Variants in ADGRL1 observed in about 807,000 individuals in gnomAD.
ADGRL1 encodes the protein CIRL-1.
Under a neutral mutation model 148.9 loss-of-function variants are expected in ADGRL1, and 31 were observed. That is an observed-to-expected ratio of 0.21 (90% CI 0.16 to 0.28). The LOEUF (loss-of-function observed/expected upper bound fraction) is 0.28. Among genes scored for constraint, ADGRL1 ranks in the 10% least tolerant of loss-of-function variants. ADGRL1 has a pLI of 1.00. For missense variants in ADGRL1, 1,521 were observed against 2,058.8 expected (o/e 0.74, Z 5.05); for synonymous variants, 937 against 900.3 (o/e 1.04, Z -0.73).
At chr19:14,167,299 G>C (rs1400218521) in intron 4 of ADGRL1, among the ~76,000 whole-genome samples, 2 of 151,974 alleles carry the variant, frequency 1.3e-5, no homozygotes, top group Non-Finnish European at 2.9e-5. Context: ...ACACACAGGA[G>C]GGAGAAGACA....
At chr19:14,204,713 T>TGAGAGAGAGAGAGAGAGAGAGAGAGAGA (rs74181774) in intron 1 of ADGRL1, among the ~76,000 whole-genome samples, 2 of 142,890 alleles carry the variant, frequency 1.4e-5, no homozygotes, top group African/African-American at 5.2e-5. Flanking sequence ...ACAGAGAGAG[T>TGAGAGAGAGAGAGAGAGAGAGAGAGAGA]GAGAGAGAGA....
chr19:14,182,962 C>T (rs1971302508), intron 2 of ADGRL1, among the ~76,000 whole-genome samples: 1 of 152,026 alleles, frequency 6.6e-6, no homozygotes, highest in Admixed American at 6.5e-5. Context: ...GGCCTCTTCT[C>T]TTGGCCTCTC....
At position 14,161,157 on chromosome 19, in the gene ADGRL1, C is replaced by T. The variant is rs1396027681; in HGVS notation, c.1510+155G>A. 3.9e-5 allele frequency among the ~76,000 whole-genome samples: 6 copies of T among 152,216 alleles called. No homozygotes were observed. In the East Asian group the frequency reaches 5.8e-4, roughly 15 times the overall value. On this transcript the variant is annotated intron_variant, in intron 6 of 22. Coordinates refer to ENST00000361434, the MANE Select transcript of ADGRL1 (RefSeq NM_014921.5). This position sits in a 1 kb window ranked among gnomAD's most constrained non-coding sequence, Gnocchi z 4.4. ...GTGGGGCCAGGGGCACTGAGTGGCTCCTGTGCCCTGAGAGCTCTGCTGGTC... is the reference window on the plus strand; with the variant it reads ...GTGGGGCCAGGGGCACTGAGTGGCTTCTGTGCCCTGAGAGCTCTGCTGGTC...
At position 14,152,400 on chromosome 19, in the gene ADGRL1, C is replaced by T. The variant is rs1161487209; in HGVS notation, c.3558G>A (p.Leu1186=). ...MGNHLLTNPV[L]QPRGGTSPYN... is the part of the protein sequence containing the mutation. ...AGGGACTGGTGCCCCCACGGGGCTG[C>T]AGCACGGGGTTGGTCAGCAGGTGGT... The change falls in exon 21 of 23, where the codon CTG becomes CTA. Residue 1186 remains leucine (L), a synonymous_variant. Coordinates refer to ENST00000361434, the MANE Select transcript of ADGRL1 (RefSeq NM_014921.5). The surrounding 1 kb of genome is among the most constrained non-coding windows in gnomAD (Gnocchi z 6.1). The T allele has an allele frequency of 6.2e-7, 1 of 1,601,404 alleles. No individual in the cohort carries two copies. The highest frequency in any genetic ancestry group is 8.5e-7 in the Non-Finnish European group (1 of 1,171,870).
At chr19:14,180,557 G>A (rs1237281844) in intron 2 of ADGRL1, among the ~76,000 whole-genome samples, 1 of 150,988 alleles carries the variant, frequency 6.6e-6, no homozygotes. Flanking sequence ...CGCCTGGCCT[G>A]TTTGTTTTTT....
At chr19:14,193,864 C>T (rs531796682) in intron 1 of ADGRL1, among the ~76,000 whole-genome samples, 33 of 152,324 alleles carry the variant, frequency 2.2e-4, no homozygotes, top group African/African-American at 6.0e-4. Flanking sequence ...AGGCCTGCAA[C>T]GGATTCTGCC....
chr19:14,153,713 G>A (rs1175567388), intron 18 of ADGRL1, among the ~76,000 whole-genome samples: 1 of 151,052 alleles, frequency 6.6e-6, no homozygotes, highest in African/African-American at 2.4e-5. Flanking sequence ...CACTTTGGAA[G>A]GCAGAGGTGG....
Position 14,162,890 on chromosome 19 carries a change from C to T in ADGRL1, c.911G>A (p.Gly304Asp), listed in dbSNP as rs774687715. 1 of 1,613,926 alleles carries T rather than the reference C, an allele frequency of 6.2e-7. No homozygotes were observed. The highest frequency in any genetic ancestry group is 8.5e-7 in the Non-Finnish European group (1 of 1,179,930). The change falls in exon 5 of 23, where the codon GGT (glycine) becomes GAT (aspartate). Residue 304 changes from glycine (G) to aspartate (D), a missense_variant. By Grantham distance (94) the Gly-to-Asp change is moderately conservative. Coordinates refer to ENST00000361434, the MANE Select transcript of ADGRL1 (RefSeq NM_014921.5). This position sits in a 1 kb window ranked among gnomAD's most constrained non-coding sequence, Gnocchi z 5.4. ...GTTGGATGCCGAGCGCTTGTCGTAA[C>T]CCGTCTCCCACGTGCCCTCAAAGCG... ...TLRFEGTWET[G>D]YDKRSASNAF... is the part of the protein sequence containing the mutation.
Position 14,161,942 on chromosome 19 carries a change from C to T in ADGRL1, c.1196-316G>A, listed in dbSNP as rs997344842. ...GACAGGAATCCTCCCAGGTTGAGCC[C>T]GAGGGCAGGAGCCCTCCCCAATCCA... On this transcript the variant is annotated intron_variant, in intron 5 of 22. Coordinates refer to ENST00000361434, the MANE Select transcript of ADGRL1 (RefSeq NM_014921.5). This position sits in a 1 kb window ranked among gnomAD's most constrained non-coding sequence, Gnocchi z 4.4. 6.6e-5 allele frequency among the ~76,000 whole-genome samples: 10 copies of T among 152,078 alleles called. No homozygotes were observed. The highest frequency in any genetic ancestry group is 1.2e-4 in the Non-Finnish European group (8 of 67,998).
Position 14,170,942 on chromosome 19 carries a change from G to A in ADGRL1, c.285-151C>T. 4 of 585,666 alleles carry A rather than the reference G, an allele frequency of 6.8e-6. No homozygotes were observed. In the South Asian group the frequency reaches 7.8e-5, roughly 11 times the overall value. The allele number at this position is 585,666 out of a possible 1,614,324, so 36.3% of individuals were successfully genotyped here. On this transcript the variant is annotated intron_variant, in intron 3 of 22. Transcript: ENST00000361434. ...ACCAAGTGATATAGTTTGGATCTGTGTCCATACCCAAATCTCATGTTGAAT... is the reference window on the plus strand; with the variant it reads ...ACCAAGTGATATAGTTTGGATCTGTATCCATACCCAAATCTCATGTTGAAT...
chr19:14,159,852 G>T lies in ADGRL1; in HGVS notation c.1801-79C>A. 7.7e-7 allele frequency: 1 copy of T among 1,294,122 alleles called. No homozygotes were observed. Among genetic ancestry groups the T allele is most frequent in the Non-Finnish European group, 1.1e-6 (1 of 890,316 alleles). The allele number at this position is 1,294,122 out of a possible 1,614,324, so 80.2% of individuals were successfully genotyped here. ...ACCCTAATACTGTCACATCTGGATA[G>T]CTCTCTCGTCTGCGGTTACCACTGA... is the stretch of plus-strand genomic sequence containing the variant. On this transcript the variant is annotated intron_variant, in intron 8 of 22. Coordinates refer to ENST00000361434, the MANE Select transcript of ADGRL1 (RefSeq NM_014921.5). This position sits in a 1 kb window ranked among gnomAD's most constrained non-coding sequence, Gnocchi z 6.0.
At chr19:14,172,077 TGG>T (rs1970510234) in intron 3 of ADGRL1, among the ~76,000 whole-genome samples, 1 of 152,024 alleles carries the variant, frequency 6.6e-6, no homozygotes, top group African/African-American at 2.4e-5. Flanking sequence ...GGGGGCAGGA[TGG>T]GGTGTGGGAA....
chr19:14,151,014 C>T lies in ADGRL1; in HGVS notation c.4269G>A (p.Pro1423=), dbSNP rs759793025. 56 of 1,207,022 alleles carry T rather than the reference C, an allele frequency of 4.6e-5. No homozygotes were observed. Among genetic ancestry groups the T allele is most frequent in the South Asian group, 1.7e-4 (12 of 71,698 alleles). 74.8% of individuals were successfully genotyped at this position (1,207,022 alleles called of 1,614,324 possible). The change falls in exon 23 of 23, where the codon CCG becomes CCA. Residue 1423 remains proline (P), a synonymous_variant. Transcript: ENST00000361434. ...GGGGATTCCGGGCCACCAGGGCTGG[C>T]GGGCGCGAGGTGTAGTAGATTTCGG... The part of the protein sequence containing the change: ...GPPEIYYTSR[P]PALVARNPLQ...
chr19:14,191,918 G>A (rs1046103377), intron 1 of ADGRL1, among the ~76,000 whole-genome samples: 1 of 151,930 alleles, frequency 6.6e-6, no homozygotes, highest in African/African-American at 2.4e-5. Flanking sequence ...GGCTGGTCTT[G>A]AGCTCCTGGC....
At chr19:14,158,600 C>T (rs1261764656) in intron 11 of ADGRL1, 48 bp from the exon 12 acceptor site, 1 of 1,485,834 alleles carries the variant, frequency 6.7e-7, no homozygotes, top group East Asian at 2.3e-5. Context: ...TCAGCTGGCG[C>T]ACCTCCATCC....
At chr19:14,184,458 G>T (rs994568824) in intron 1 of ADGRL1, among the ~76,000 whole-genome samples, 17 of 151,004 alleles carry the variant, frequency 1.1e-4, no homozygotes, top group Non-Finnish European at 2.2e-4. Context: ...TTAGAAACCA[G>T]GTCTCACTCT....
In ADGRL1 at chr19:14,159,434, G is replaced by T; in HGVS notation, c.1990C>A (p.Pro664Thr). The change falls in exon 10 of 23, where the codon CCT (proline) becomes ACT (threonine). Residue 664 changes from proline to threonine, a missense_variant. This residue lies in a region of ADGRL1 where 265 missense variants were observed against 431.9 expected (regional missense o/e 0.61). Coordinates refer to ENST00000361434, the MANE Select transcript of ADGRL1 (RefSeq NM_014921.5). The surrounding 1 kb of genome is among the most constrained non-coding windows in gnomAD (Gnocchi z 6.0). ...AFLLADNVRE[P>T]ARFLAAKENV... is the part of the protein sequence containing the mutation. ...TCCTTGGCAGCCAGGAAGCGGGCAG[G>T]CTCCCTGACATTGTCGGCCAGCAGG... 6.2e-7 allele frequency: 1 copy of T among 1,612,370 alleles called. No individual in the cohort carries two copies. Among genetic ancestry groups the T allele is most frequent in the Non-Finnish European group, 8.5e-7 (1 of 1,179,150 alleles).
Position 14,162,644 on chromosome 19 carries a change from C to T in ADGRL1, c.1157G>A (p.Arg386His), listed in dbSNP as rs377243301. Residue 386 changes from arginine (R) to histidine (H), a missense_variant, in exon 5 of 23, where the codon CGC (arginine) becomes CAC (histidine). Arg to His is a conservative substitution (Grantham distance 29). Coordinates refer to ENST00000361434, the MANE Select transcript of ADGRL1 (RefSeq NM_014921.5). The surrounding 1 kb of genome is among the most constrained non-coding windows in gnomAD (Gnocchi z 5.4). ...LYVWNNYFVVRYSLEFGPPDP... is the reference protein window; with the variant it reads ...LYVWNNYFVVHYSLEFGPPDP... ...GGGCGGCCCGAACTCCAGGCTGTAG[C>T]GCACCACGAAATAGTTGTTCCAGAC... The T allele has an allele frequency of 6.2e-6, 10 of 1,612,754 alleles. No homozygotes were observed. The highest frequency in any genetic ancestry group is 1.3e-5 in the African/African-American group (1 of 74,860).
chr19:14,161,633 A>C lies in ADGRL1; in HGVS notation c.1196-7T>G. On this transcript the variant is annotated splice_polypyrimidine_tract_variant and splice_region_variant and intron_variant, in intron 5 of 22. Transcript: ENST00000361434. The surrounding 1 kb of genome is among the most constrained non-coding windows in gnomAD (Gnocchi z 4.4). ...GGTGGGGAAGTGGCTGGGCCTGGAG[A>C]GGGGATACGAGACAGGGTCATCCCC... 7.2e-7 allele frequency: 1 copy of C among 1,391,100 alleles called. No individual in the cohort carries two copies. The highest frequency in any genetic ancestry group is 9.3e-7 in the Non-Finnish European group (1 of 1,076,786). 86.2% of individuals were successfully genotyped at this position (1,391,100 alleles called of 1,614,324 possible). A position where few individuals can be genotyped will look rare whatever the true frequency, so the allele number is the denominator to read the frequency against.
Sources: gnomAD v4.1 joint callset for allele counts (sites outside exome capture counted in the v4.1 genomes callset) on GRCh38, gnomAD v4.1.1 for gene constraint, gnomAD v4.1.1 regional missense constraint, Gnocchi (gnomAD v3.1) non-coding constraint, MANE v1.5 for transcripts, NCBI Gene and HGNC (gene_info 2026-07-23, HGNC 2026-07-21) for gene names.